Variants in PAK3 observed in about 807,000 individuals in gnomAD.
The protein encoded by PAK3 is p21 (RAC1) activated kinase 3.
Under a neutral mutation model 41.0 loss-of-function variants are expected in PAK3, and 4 were observed. The observed-to-expected ratio is 0.10, with a 90% CI of 0.05 to 0.22. The LOEUF is 0.22. Ranked by LOEUF, PAK3 falls within the 10% of genes least tolerant of loss-of-function variation. The probability of loss-of-function intolerance (pLI) is 1.00; values close to 1 mark genes in which losing one functional copy is unlikely to be tolerated. For missense variants in PAK3, 205 were observed against 409.9 expected (o/e 0.50, Z 4.32); for synonymous variants, 146 against 139.6 (o/e 1.05, Z -0.32).
chrX:111,068,053 T>C (rs183421128), intron 1 of PAK3, among the ~76,000 whole-genome samples: 16 of 111,370 alleles, frequency 1.4e-4, no homozygotes, highest in Non-Finnish European at 2.8e-4. Flanking sequence ...TTGAAACATA[T>C]TAGTTTAAAA....
At chrX:110,986,751 G>A (rs2091551146) in intron 1 of PAK3, among the ~76,000 whole-genome samples, 1 of 93,736 alleles carries the variant, frequency 1.1e-5, no homozygotes, top group Non-Finnish European at 2.2e-5. Context: ...TTCACCAAGT[G>A]TACGCGTGTG....
At chrX:111,023,129 A>C (rs1404977381) in intron 1 of PAK3, among the ~76,000 whole-genome samples, 1 of 111,164 alleles carries the variant, frequency 9.0e-6, no homozygotes, top group Admixed American at 9.5e-5. Flanking sequence ...CTTATGAGTG[A>C]GAACACACGG....
chrX:111,019,707 AG>A (rs1453112255), intron 1 of PAK3, among the ~76,000 whole-genome samples: 4 of 33,184 alleles, frequency 1.2e-4, no homozygotes, highest in South Asian at 2.2e-3. Flanking sequence ...AAAAAAAGAA[AG>A]AAAGAAAAGA....
chrX:110,974,816 C>A (rs1046606453), intron 1 of PAK3, among the ~76,000 whole-genome samples: 1 of 111,915 alleles, frequency 8.9e-6, no homozygotes, highest in African/African-American at 3.3e-5. Flanking sequence ...ATATGCAAAT[C>A]AATAAACATA....
At chrX:111,168,905 G>A (rs1157672309) in intron 10 of PAK3, among the ~76,000 whole-genome samples, 4 of 111,398 alleles carry the variant, frequency 3.6e-5, no homozygotes, top group African/African-American at 9.7e-5. Context: ...AGGCCCTTGC[G>A]CATTAATAGC....
intron 1 of PAK3, among the ~76,000 whole-genome samples, chrX:110,966,748 A>C (rs768030388): frequency 8.9e-6 from 1 of 111,776 alleles, no homozygotes; most frequent in African/African-American, 3.2e-5. Flanking sequence ...AAGTATTCCA[A>C]AATGTTAACA....
rs753046407 is a variant in PAK3, at chrX:111,151,518, G to A, written c.431-892G>A. On this transcript the variant is annotated intron_variant, in intron 7 of 17. Transcript: ENST00000372007. Reference sequence around the variant, plus strand: ...CACAGGAAGGTGGAAAGAAGGAATGGAAAGGAGGTAGGGAGAGAAGAAAGT... The same window carrying A: ...CACAGGAAGGTGGAAAGAAGGAATGAAAAGGAGGTAGGGAGAGAAGAAAGT... 8.9e-5 allele frequency among the ~76,000 whole-genome samples: 10 copies of A among 111,970 alleles called. 1 individual carries two copies. In the South Asian group the frequency reaches 3.8e-3, roughly 42 times the overall value.
At chrX:110,997,499 T>C (rs1301244711) in intron 1 of PAK3, among the ~76,000 whole-genome samples, 1 of 110,969 alleles carries the variant, frequency 9.0e-6, no homozygotes, top group African/African-American at 3.3e-5. Flanking sequence ...TTTTGAGAGA[T>C]AGAGTATTTA....
intron 3 of PAK3, among the ~76,000 whole-genome samples, chrX:111,099,643 G>C (rs763214530): frequency 1.5e-3 from 158 of 105,874 alleles, no homozygotes; most frequent in African/African-American, 4.9e-3. Context: ...GGGGCCAAAG[G>C]ACCAGGAACT....
intron 1 of PAK3, among the ~76,000 whole-genome samples, chrX:110,983,681 G>GC (rs1225460527): frequency 2.7e-5 from 3 of 111,284 alleles, no homozygotes; most frequent in Non-Finnish European, 3.8e-5. Context: ...ATTTTCCAGA[G>GC]CCCCCCACGC....
Position 111,132,009 on chromosome X carries a change from A to G in PAK3, c.175+8731A>G, listed in dbSNP as rs184933686. 2.6e-4 allele frequency among the ~76,000 whole-genome samples: 29 copies of G among 111,485 alleles called. No homozygotes were observed. The East Asian group carries it at 7.4e-3, about 28-fold the overall frequency. ...TTTTTTAATAAAAAAAGGAAAAACCACAGTACTTAATTCACTTTCCTGGTA... is the reference window on the plus strand; with the variant it reads ...TTTTTTAATAAAAAAAGGAAAAACCGCAGTACTTAATTCACTTTCCTGGTA... On this transcript the variant is annotated intron_variant, in intron 5 of 17. Coordinates refer to ENST00000372007, the MANE Select transcript of PAK3 (RefSeq NM_002578.5).
At chrX:111,198,645 A>T (rs2094642845) in intron 16 of PAK3, among the ~76,000 whole-genome samples, 1 of 110,762 alleles carries the variant, frequency 9.0e-6, no homozygotes, top group Admixed American at 9.6e-5. Flanking sequence ...TGGGTGTGTG[A>T]CTTTATTTCC....
chrX:111,138,853 T>C (rs1217897396), intron 5 of PAK3, among the ~76,000 whole-genome samples: 1 of 110,622 alleles, frequency 9.0e-6, no homozygotes, highest in Non-Finnish European at 1.9e-5. Flanking sequence ...AAGTCAAGAA[T>C]GTTATTCAGG....
chrX:111,053,244 G>A (rs1282798547), intron 1 of PAK3, among the ~76,000 whole-genome samples: 1 of 110,698 alleles, frequency 9.0e-6, no homozygotes, highest in African/African-American at 3.3e-5. Context: ...TGGCTTAGGA[G>A]GGGGTGAAAG....
At chrX:111,190,746 A>G (rs2149312387) in intron 11 of PAK3, among the ~76,000 whole-genome samples, 1 of 112,190 alleles carries the variant, frequency 8.9e-6, no homozygotes, top group Admixed American at 9.5e-5. Context: ...GCCTGACATA[A>G]GAAAATAATT....
intron 1 of PAK3, among the ~76,000 whole-genome samples, chrX:111,037,908 A>G (rs1038607540): frequency 1.8e-5 from 2 of 111,484 alleles, no homozygotes; most frequent in African/African-American, 6.5e-5. Context: ...TTTCTTGTGA[A>G]TATTATGGAG....
At chrX:111,012,644 A>G (rs2092027471) in intron 1 of PAK3, among the ~76,000 whole-genome samples, 1 of 112,716 alleles carries the variant, frequency 8.9e-6, no homozygotes, top group South Asian at 3.7e-4. Context: ...AGGAACATCA[A>G]TCTGCTTTAC....
intron 1 of PAK3, among the ~76,000 whole-genome samples, chrX:111,076,772 A>T (rs756647009): frequency 1.8e-5 from 2 of 112,167 alleles, no homozygotes; most frequent in Non-Finnish European, 3.8e-5. Context: ...CAAGACAAGG[A>T]TGTCCACTCT....
chrX:111,051,017 T>C (rs2092552345), intron 1 of PAK3, among the ~76,000 whole-genome samples: 1 of 111,533 alleles, frequency 9.0e-6, no homozygotes, highest in African/African-American at 3.3e-5. Flanking sequence ...CAGTGGTTCA[T>C]AGCTATAGGA....
Sources: gnomAD v4.1 joint callset for allele counts (sites outside exome capture counted in the v4.1 genomes callset) on GRCh38, gnomAD v4.1.1 for gene constraint, MANE v1.5 for transcripts, NCBI Gene and HGNC (gene_info 2026-07-23, HGNC 2026-07-21) for gene names.